LRRC4C: variants seen among roughly 807,000 people sequenced by gnomAD.
The protein encoded by LRRC4C is leucine rich repeat containing 4C, also known as leucine-rich repeat-containing protein 4C.
A neutral mutation model predicts 33.6 loss-of-function variants in LRRC4C; 5 were observed. The observed-to-expected ratio is 0.15, with a 90% CI of 0.08 to 0.31. The LOEUF is 0.31. Ranked by LOEUF, LRRC4C falls within the 10% of genes least tolerant of loss-of-function variation. The probability of loss-of-function intolerance (pLI) is 1.00; values close to 1 mark genes in which losing one functional copy is unlikely to be tolerated. For missense variants in LRRC4C, 560 were observed against 796.7 expected, an observed-to-expected ratio of 0.70 and a Z score of 3.58; for synonymous variants, 329 against 302.0, an observed-to-expected ratio of 1.09 and a Z score of -0.93.
intron 5 of LRRC4C, among the ~76,000 whole-genome samples, chr11:40,152,626 T>C (rs1202114412): frequency 6.6e-6 from 1 of 152,112 alleles, no homozygotes; most frequent in Non-Finnish European, 1.5e-5. Context: ...AGACCGGCCC[T>C]TCAGTTTGTG....
chr11:40,961,686 C>T (rs1012156469), intron 1 of LRRC4C, among the ~76,000 whole-genome samples: 1 of 151,526 alleles, frequency 6.6e-6, no homozygotes, highest in Non-Finnish European at 1.5e-5. Flanking sequence ...ATATAATGGT[C>T]AGGATTGAAG....
intron 3 of LRRC4C, among the ~76,000 whole-genome samples, chr11:40,544,977 A>T (rs1304009328): frequency 6.6e-6 from 1 of 151,892 alleles, no homozygotes; most frequent in African/African-American, 2.4e-5. Flanking sequence ...CAGTCTCTGG[A>T]TATTCTGTGT....
At chr11:40,928,651 A>G (rs1163669104) in intron 2 of LRRC4C, among the ~76,000 whole-genome samples, 1 of 152,164 alleles carries the variant, frequency 6.6e-6, no homozygotes, top group Admixed American at 6.5e-5. Context: ...TTGCTTTGGC[A>G]TTCCGTACAA....
chr11:40,750,349 T>C (rs1214706835), intron 2 of LRRC4C, among the ~76,000 whole-genome samples: 1 of 152,092 alleles, frequency 6.6e-6, no homozygotes, highest in African/African-American at 2.4e-5. Flanking sequence ...CCCTAACTCA[T>C]TCTATGAAGC....
Position 40,288,302 on chromosome 11 carries a change from G to T in LRRC4C, c.-176+31326C>A, listed in dbSNP as rs537668071. 1.1e-3 allele frequency among the ~76,000 whole-genome samples: 174 copies of T among 152,276 alleles called. 1 individual carries two copies. The highest frequency in any genetic ancestry group is 3.7e-3 in the African/African-American group (155 of 41,554). On this transcript the variant is annotated intron_variant, in intron 4 of 6. Transcript: ENST00000528697. ...ATCAAATGGTAAGAACTTTCATAGA[G>T]AATTTCCATCTTTTCTTAAGGTCAG... is the stretch of plus-strand genomic sequence containing the variant.
intron 1 of LRRC4C, among the ~76,000 whole-genome samples, chr11:41,323,442 A>T (rs781555749): frequency 3.2e-4 from 48 of 152,240 alleles, no homozygotes; most frequent in Non-Finnish European, 6.2e-4. Context: ...TGAGACAAGG[A>T]ATCATCACAC....
intron 5 of LRRC4C, among the ~76,000 whole-genome samples, chr11:40,174,617 C>T (rs1746140719): frequency 6.6e-6 from 1 of 151,982 alleles, no homozygotes; most frequent in African/African-American, 2.4e-5. Flanking sequence ...AGAAACAGTC[C>T]CATTTGTGCT....
At position 40,116,216 on chromosome 11, in the gene LRRC4C, AG is replaced by A; in HGVS notation, c.76del (p.Leu26CysfsTer35). Reference sequence around the variant, plus strand: ...TTGAAGAGCCAGCAGCACCACAAGCAGGGGGTCAAATAGGGCCCTGTTAAAC... The same window carrying A: ...TTGAAGAGCCAGCAGCACCACAAGCAGGGGTCAAATAGGGCCCTGTTAAAC... ...PRFNRALFDPLLVVLLALQLL... is the reference protein window; with the variant it reads ...PRFNRALFDPXLVVLLALQLL... On this transcript the variant is annotated frameshift_variant, in exon 7 of 7. Transcript: ENST00000528697. LOFTEE classifies it high-confidence loss of function. 6.2e-7 allele frequency: 1 copy of A among 1,614,070 alleles called. No individual in the cohort carries two copies. The highest frequency in any genetic ancestry group is 8.5e-7 in the Non-Finnish European group (1 of 1,180,006).
intron 2 of LRRC4C, among the ~76,000 whole-genome samples, chr11:40,691,179 T>C (rs1260361001): frequency 6.6e-6 from 1 of 152,060 alleles, no homozygotes; most frequent in Non-Finnish European, 1.5e-5. Context: ...ACCAAATTAA[T>C]TTTATAAACT....
chr11:40,490,039 A>G (rs1230105942), intron 3 of LRRC4C, among the ~76,000 whole-genome samples: 1 of 152,154 alleles, frequency 6.6e-6, no homozygotes, highest in East Asian at 1.9e-4. Flanking sequence ...CTTTTGCAGA[A>G]GGAACTACTC....
At chr11:40,713,283 T>C (rs993628314) in intron 2 of LRRC4C, among the ~76,000 whole-genome samples, 1 of 152,176 alleles carries the variant, frequency 6.6e-6, no homozygotes, top group Non-Finnish European at 1.5e-5. Flanking sequence ...TCTTAAGCAA[T>C]ATTTGAAGTT....
intron 2 of LRRC4C, among the ~76,000 whole-genome samples, chr11:40,739,946 G>A (rs761238904): frequency 9.9e-5 from 15 of 151,348 alleles, no homozygotes; most frequent in African/African-American, 2.7e-4. Context: ...CAACATATAC[G>A]ATTATATATT....
At chr11:40,682,070 C>T (rs544357511) in intron 2 of LRRC4C, among the ~76,000 whole-genome samples, 51 of 151,858 alleles carry the variant, frequency 3.4e-4, no homozygotes, top group Non-Finnish European at 6.8e-4. Flanking sequence ...AACCAAATAC[C>T]ACCTGCACCC....
intron 3 of LRRC4C, among the ~76,000 whole-genome samples, chr11:40,323,546 G>A (rs748327709): frequency 2.6e-5 from 4 of 152,116 alleles, no homozygotes; most frequent in African/African-American, 9.7e-5. Flanking sequence ...GACATCACCA[G>A]GGAATAATGT....
intron 3 of LRRC4C, among the ~76,000 whole-genome samples, chr11:40,472,077 A>G (rs1952969048): frequency 6.6e-6 from 1 of 151,928 alleles, no homozygotes. Flanking sequence ...AGGGCAGATC[A>G]TGATCCTGGC....
At chr11:40,488,509 C>T (rs2138486198) in intron 3 of LRRC4C, among the ~76,000 whole-genome samples, 1 of 152,156 alleles carries the variant, frequency 6.6e-6, no homozygotes, top group South Asian at 2.1e-4. Flanking sequence ...TTCTAGTTCT[C>T]CAAGAACAGG....
At chr11:40,553,041 C>A (rs529178292) in intron 3 of LRRC4C, among the ~76,000 whole-genome samples, 6 of 152,250 alleles carry the variant, frequency 3.9e-5, no homozygotes, top group Admixed American at 1.3e-4. Context: ...GAGGCTGAGG[C>A]AGGCAGATCA....
chr11:40,702,663 G>C (rs773262755), intron 2 of LRRC4C, among the ~76,000 whole-genome samples: 161 of 151,964 alleles, frequency 1.1e-3, no homozygotes, highest in Non-Finnish European at 1.3e-3. Context: ...CTGATTACAT[G>C]GTTTTCTTCA....
intron 5 of LRRC4C, among the ~76,000 whole-genome samples, chr11:40,176,540 T>G (rs929606758): frequency 7.6e-5 from 9 of 117,826 alleles, no homozygotes; most frequent in Non-Finnish European, 5.3e-5. Context: ...TTTTCCACTC[T>G]TTTTTTTTTT....
Sources: allele counts gnomAD v4.1 joint callset (sites outside exome capture counted in the v4.1 genomes callset), GRCh38; gene constraint gnomAD v4.1.1; transcripts MANE v1.5; gene names NCBI Gene and HGNC (gene_info 2026-07-23, HGNC 2026-07-21).